DMRT1: variants seen among roughly 807,000 people sequenced by gnomAD.
The protein encoded by DMRT1 is doublesex and mab-3 related transcription factor 1, also known as doublesex- and mab-3-related transcription factor 1.
DMRT1 carries 7 observed loss-of-function variants against 32.3 expected under a neutral mutation model. The ratio of observed to expected loss-of-function variants is 0.22; its 90% CI spans 0.12 to 0.41. DMRT1 has a LOEUF of 0.41. Among genes scored for constraint, DMRT1 ranks in the 10% least tolerant of loss-of-function variants. DMRT1 has a pLI of 1.00. For missense variants in DMRT1, 625 were observed against 500.5 expected (o/e 1.25, Z -2.37); for synonymous variants, 278 against 206.1 (o/e 1.35, Z -2.99).
intron 2 of DMRT1, among the ~76,000 whole-genome samples, chr9:847,760 A>G (rs529738149): frequency 6.6e-6 from 1 of 152,356 alleles, no homozygotes; most frequent in South Asian, 2.1e-4. Flanking sequence ...TGCTTACTGC[A>G]CTAGGTCTCT....
intron 2 of DMRT1, among the ~76,000 whole-genome samples, chr9:849,574 A>G (rs72697196): frequency 0.013 from 1,977 of 152,286 alleles, 46 homozygotes; most frequent in African/African-American, 0.045. Flanking sequence ...CAGAGTGGTG[A>G]TAGGGAAAGT....
At chr9:922,731 A>C (rs1218771316) in intron 4 of DMRT1, among the ~76,000 whole-genome samples, 3 of 152,206 alleles carry the variant, frequency 2.0e-5, no homozygotes, top group African/African-American at 7.2e-5. Flanking sequence ...CTGCCGTGCA[A>C]CTTCAGCCTT....
chr9:890,085 G>GTTTTTTTTTTT (rs35228255), intron 2 of DMRT1, among the ~76,000 whole-genome samples: 24 of 102,996 alleles, frequency 2.3e-4, no homozygotes, highest in African/African-American at 9.2e-4. Context: ...CACCAAACGT[G>GTTTTTTTTTTT]TTTTTTTTTT....
chr9:922,019 T>C (rs1818369903), intron 4 of DMRT1, among the ~76,000 whole-genome samples: 1 of 151,464 alleles, frequency 6.6e-6, no homozygotes, highest in South Asian at 2.1e-4. Context: ...TAGCTAGGAC[T>C]ACAGGTGAGC....
chr9:854,236 C>G (rs1164659868), intron 2 of DMRT1, among the ~76,000 whole-genome samples: 2 of 152,120 alleles, frequency 1.3e-5, no homozygotes, highest in East Asian at 3.9e-4. Context: ...CCTGCCTCAG[C>G]CTCCCAGGTA....
intron 3 of DMRT1, among the ~76,000 whole-genome samples, chr9:908,463 G>GT (rs5895876): frequency 0.65 from 98,685 of 151,668 alleles, 34,320 homozygotes; most frequent in Middle Eastern, 0.79. Flanking sequence ...CTCTAAAAAT[G>GT]TTTTTTTAAA....
chr9:931,563 G>T (rs1818726860), intron 4 of DMRT1, among the ~76,000 whole-genome samples: 1 of 152,222 alleles, frequency 6.6e-6, no homozygotes, highest in Non-Finnish European at 1.5e-5. Context: ...GAGGCTGGAA[G>T]TCCAAGATCA....
intron 4 of DMRT1, among the ~76,000 whole-genome samples, chr9:952,049 G>A (rs1268298601): frequency 6.6e-6 from 1 of 152,202 alleles, no homozygotes. Context: ...GAGGAATTGA[G>A]GCTCAGAGCT....
chr9:954,450 C>G (rs921445479), intron 4 of DMRT1, among the ~76,000 whole-genome samples: 31 of 152,008 alleles, frequency 2.0e-4, no homozygotes, highest in African/African-American at 6.8e-4. Context: ...TTCAAGAGAG[C>G]AGGATGCAGC....
intron 3 of DMRT1, among the ~76,000 whole-genome samples, chr9:902,150 T>TC (rs1266818224): frequency 6.6e-6 from 1 of 151,454 alleles, no homozygotes; most frequent in African/African-American, 2.4e-5. Flanking sequence ...CCTCAGGTGA[T>TC]CCGCCCCCCT....
chr9:896,131 A>T (rs1037661650), intron 3 of DMRT1, among the ~76,000 whole-genome samples: 2 of 148,466 alleles, frequency 1.3e-5, no homozygotes, highest in East Asian at 3.9e-4. Context: ...CCTTTGCCCA[A>T]CATCTTTTTT....
At chr9:902,014 G>A (rs1039257603) in intron 3 of DMRT1, among the ~76,000 whole-genome samples, 22 of 149,162 alleles carry the variant, frequency 1.5e-4, no homozygotes, top group Non-Finnish European at 2.7e-4. Context: ...AGTTCAAGCG[G>A]TTCTCCTGCC....
chr9:919,134 C>T (rs920064716), intron 4 of DMRT1, among the ~76,000 whole-genome samples: 1 of 152,098 alleles, frequency 6.6e-6, no homozygotes, highest in Non-Finnish European at 1.5e-5. Flanking sequence ...GTGGCAGATC[C>T]GTCAAGTCTA....
intron 4 of DMRT1, among the ~76,000 whole-genome samples, chr9:934,682 A>C (rs1382880256): frequency 6.6e-6 from 1 of 152,232 alleles, no homozygotes; most frequent in East Asian, 1.9e-4. Flanking sequence ...GTGTAAGGGA[A>C]GAGTCCAGCT....
intron 3 of DMRT1, among the ~76,000 whole-genome samples, chr9:896,718 C>G (rs1304377923): frequency 6.6e-6 from 1 of 151,860 alleles, no homozygotes; most frequent in Admixed American, 6.6e-5. Context: ...AAGGCTGAGG[C>G]AGAAGAATCG....
chr9:859,642 C>T (rs11788446), intron 2 of DMRT1, among the ~76,000 whole-genome samples: 1 of 151,982 alleles, frequency 6.6e-6, no homozygotes, highest in African/African-American at 2.4e-5. Flanking sequence ...TGTTGTTGAA[C>T]CAAATTACAC....
At chr9:875,365 G>T (rs1220071566) in intron 2 of DMRT1, among the ~76,000 whole-genome samples, 1 of 152,128 alleles carries the variant, frequency 6.6e-6, no homozygotes, top group Non-Finnish European at 1.5e-5. Context: ...ACCTGGGCCC[G>T]ACAGCTTTAG....
chr9:862,964 G>T (rs1815788176), intron 2 of DMRT1, among the ~76,000 whole-genome samples: 1 of 152,004 alleles, frequency 6.6e-6, no homozygotes. Flanking sequence ...GTCTTGAGAT[G>T]AGTGAGATGA....
chr9:892,241 T>A (rs16925374), intron 2 of DMRT1, among the ~76,000 whole-genome samples: 20 of 152,134 alleles, frequency 1.3e-4, no homozygotes, highest in Non-Finnish European at 2.9e-5. Flanking sequence ...TGACGTTGTA[T>A]TCTCTGTTTT....
Sources: allele counts gnomAD v4.1 joint callset (sites outside exome capture counted in the v4.1 genomes callset), GRCh38; gene constraint gnomAD v4.1.1; transcripts MANE v1.5; gene names NCBI Gene and HGNC (gene_info 2026-07-23, HGNC 2026-07-21).